Variants in CDHR2 observed in about 807,000 individuals in gnomAD.
The protein encoded by CDHR2 is cadherin-related family member 2.
CDHR2 carries 104 observed loss-of-function variants against 138.6 expected under a neutral mutation model. The observed-to-expected ratio is 0.75, with a 90% CI of 0.64 to 0.88. The LOEUF (loss-of-function observed/expected upper bound fraction) is 0.88, where lower values mean the gene tolerates loss of function less well. Among genes scored for constraint, CDHR2 ranks in the 40% least tolerant of loss-of-function variants. CDHR2 has a pLI of 0.00. For missense variants in CDHR2, 1,624 were observed against 1,727.6 expected (o/e 0.94, Z 1.06); for synonymous variants, 755 against 742.8 (o/e 1.02, Z -0.27).
rs917752292 is a variant in CDHR2, at chr5:176,551,175, A to AT, written c.-16+1770dup. 2.0e-4 allele frequency among the ~76,000 whole-genome samples: 31 copies of AT among 151,484 alleles called. 1 individual carries two copies. Among genetic ancestry groups the AT allele is most frequent in the South Asian group, 8.4e-4 (4 of 4,778 alleles). Reference sequence around the variant, plus strand: ...AGGTGCACGCCACCACGTCTGGCTAATTTTTTTTTGTGAGATGGAGTCTTG... The same window carrying AT: ...AGGTGCACGCCACCACGTCTGGCTAATTTTTTTTTTGTGAGATGGAGTCTTG... On this transcript the variant is annotated intron_variant, in intron 1 of 31. Transcript: ENST00000261944.
chr5:176,567,803 A>AT (rs745499164), intron 3 of CDHR2, among the ~76,000 whole-genome samples: 104 of 152,214 alleles, frequency 6.8e-4, no homozygotes, highest in Non-Finnish European at 1.4e-3. Context: ...TAATTTTTAA[A>AT]TTTTTTTGTA....
rs1479378694 is a variant in CDHR2, at chr5:176,568,965, C to T, written c.270C>T (p.Leu90=). 1.2e-6 allele frequency: 2 copies of T among 1,614,114 alleles called. No homozygotes were observed. The change falls in exon 5 of 32, where the codon CTC becomes CTT. Residue 90 remains leucine (L), a synonymous_variant. Transcript: ENST00000261944. ...KLASALDYET[L]YTFKVTISVS... ...CTTCTCTCTGGCTGCTGCAGACACT[C>T]TACACATTCAAAGTCACCATCTCCG... is the stretch of plus-strand genomic sequence containing the variant.
intron 1 of CDHR2, among the ~76,000 whole-genome samples, chr5:176,557,418 C>G (rs1318194291): frequency 6.6e-6 from 1 of 152,154 alleles, no homozygotes; most frequent in Non-Finnish European, 1.5e-5. Flanking sequence ...GTAGGTCAGG[C>G]TGGTCTCAAA....
intron 1 of CDHR2, among the ~76,000 whole-genome samples, chr5:176,556,405 G>A (rs370162671): frequency 8.0e-4 from 121 of 152,178 alleles, no homozygotes; most frequent in African/African-American, 2.5e-3. Flanking sequence ...GGTGGCTCAC[G>A]CCTGTAATCC....
Position 176,574,156 on chromosome 5 carries a change from T to A in CDHR2, c.479T>A (p.Val160Glu), listed in dbSNP as rs1186299830. 8.1e-6 allele frequency: 13 copies of A among 1,613,650 alleles called. 1 individual carries two copies. In the South Asian group the frequency reaches 1.4e-4, roughly 18 times the overall value. Residue 160 changes from valine (V) to glutamate (E), a missense_variant, in exon 7 of 32, where the codon GTG becomes GAG. This residue lies in a region of CDHR2 where 1,061 missense variants were observed against 1,136.6 expected (regional missense o/e 0.93). Transcript: ENST00000261944. ...DKDMGSAGMV[V>E]YSIEKVIPST... ...GACATGGGGTCTGCAGGCATGGTCG[T>A]GTACTCCATAGAGAAGGTGAGTGTG...
intron 31 of CDHR2, among the ~76,000 whole-genome samples, 161 bp from the exon 32 acceptor site, chr5:176,595,371 C>T (rs1180514142): frequency 6.6e-6 from 1 of 152,192 alleles, no homozygotes; most frequent in Non-Finnish European, 1.5e-5. Context: ...CCAGGGCCAC[C>T]TCTGGGACAC....
intron 31 of CDHR2, among the ~76,000 whole-genome samples, chr5:176,594,176 A>C (rs999810685): frequency 6.6e-6 from 1 of 152,172 alleles, no homozygotes; most frequent in Non-Finnish European, 1.5e-5. Flanking sequence ...GAAAGTCTTC[A>C]AAGCCAGAAA....
chr5:176,545,206 A>C (rs1432266239), upstream of CDHR2, among the ~76,000 whole-genome samples: 2 of 150,412 alleles, frequency 1.3e-5, no homozygotes, highest in Admixed American at 6.6e-5. Flanking sequence ...ATCTCCCCCC[A>C]CCCCACCTCC....
intron 20 of CDHR2, 174 bp from the exon 21 acceptor site, chr5:176,586,619 A>C: frequency 1.7e-6 from 1 of 598,028 alleles, no homozygotes; most frequent in Non-Finnish European, 3.0e-6. Context: ...TGACAATGGG[A>C]GGTGGATGAC....
In CDHR2 at chr5:176,577,690, C is replaced by T. The variant is rs1758425416; in HGVS notation, c.1404C>T (p.Ile468=). Residue 468 remains isoleucine, a synonymous_variant, in exon 14 of 32, where the codon ATC becomes ATT. Transcript: ENST00000261944. ...ACTTCTCCGTCGCCATGGTGACCAT[C>T]CACCTTAGAGACATTAATGACCACA... ...SQNFSVAMVT[I]HLRDINDHRP... The T allele has an allele frequency of 6.2e-7, 1 of 1,614,122 alleles. No individual in the cohort carries two copies. The highest frequency in any genetic ancestry group is 1.3e-5 in the African/African-American group (1 of 74,952).
At chr5:176,570,882 C>T (rs1339015083) in intron 5 of CDHR2, among the ~76,000 whole-genome samples, 2 of 150,420 alleles carry the variant, frequency 1.3e-5, no homozygotes, top group South Asian at 4.2e-4. Context: ...ACCTGGGAGG[C>T]GGAGGTTGCA....
At chr5:176,589,977 T>G in intron 24 of CDHR2, 101 bp from the exon 25 acceptor site, 1 of 923,820 alleles carries the variant, frequency 1.1e-6, no homozygotes, top group South Asian at 1.3e-5. Flanking sequence ...CCAGAGGAGG[T>G]GCCCTTTCTC....
At chr5:176,574,866 C>G (rs762814660) in intron 7 of CDHR2, among the ~76,000 whole-genome samples, 1 of 152,132 alleles carries the variant, frequency 6.6e-6, no homozygotes, top group Non-Finnish European at 1.5e-5. Context: ...GATGGAGGGC[C>G]GACTGCATCT....
At chr5:176,544,443 C>CTTTCTT (rs771404606), upstream of CDHR2, among the ~76,000 whole-genome samples, 5 of 12,842 alleles carry the variant, frequency 3.9e-4, no homozygotes, top group South Asian at 0.047. Flanking sequence ...TTCTTTCTTT[C>CTTTCTT]TCTCTTTCCT....
Position 176,565,361 on chromosome 5 carries a change from G to A in CDHR2, c.9G>A (p.Gln3=), listed in dbSNP as rs749923650. 2.0e-5 allele frequency: 32 copies of A among 1,614,026 alleles called. No homozygotes were observed. Among genetic ancestry groups the A allele is most frequent in the Middle Eastern group, 3.3e-4 (2 of 6,084 alleles). The part of the protein sequence containing the change: MA[Q]LWLSCFLLPA... The stretch of plus-strand genomic sequence containing the variant: ...AGGTCCCTGCGGATGTGATGGCCCA[G>A]CTATGGCTGTCCTGCTTCCTCCTTC... Residue 3 remains glutamine, a synonymous_variant, in exon 2 of 32, where the codon CAG becomes CAA. Coordinates refer to ENST00000261944, the MANE Select transcript of CDHR2 (RefSeq NM_017675.6).
chr5:176,545,924 G>T (rs187804407), upstream of CDHR2, among the ~76,000 whole-genome samples: 1 of 152,250 alleles, frequency 6.6e-6, no homozygotes, highest in African/African-American at 2.4e-5. Flanking sequence ...ATCGTGATGG[G>T]TCCAAAGGTC....
chr5:176,589,007 G>T (rs1475344736), intron 21 of CDHR2, 24 bp from the exon 22 acceptor site: 1 of 1,612,302 alleles, frequency 6.2e-7, no homozygotes, highest in Non-Finnish European at 8.5e-7. Context: ...TGGGCCCCCA[G>T]ATATTGTCCA....
chr5:176,551,111 C>T (rs948733425), intron 1 of CDHR2, among the ~76,000 whole-genome samples: 4 of 152,038 alleles, frequency 2.6e-5, no homozygotes, highest in South Asian at 2.1e-4. Context: ...CTGGTTCAAA[C>T]GATTCTCCTG....
upstream of CDHR2, among the ~76,000 whole-genome samples, chr5:176,549,151 G>A (rs1329987023): frequency 6.6e-6 from 1 of 152,206 alleles, no homozygotes; most frequent in Non-Finnish European, 1.5e-5. Context: ...CTCCTGTGGT[G>A]TGGGCCTCCA....
Sources: allele counts gnomAD v4.1 joint callset (sites outside exome capture counted in the v4.1 genomes callset), GRCh38; gene constraint gnomAD v4.1.1; regional missense constraint gnomAD v4.1.1; transcripts MANE v1.5; gene names NCBI Gene and HGNC (gene_info 2026-07-23, HGNC 2026-07-21).